CFDP1: variants seen among roughly 807,000 people sequenced by gnomAD.
CFDP1 encodes chromatin remodeling protein CFDP1, also known as heterochromatin-stabilizing protein CFDP1.
Under a neutral mutation model 40.1 loss-of-function variants are expected in CFDP1, and 31 were observed. The observed-to-expected ratio is 0.77, with a 90% CI of 0.58 to 1.04. The LOEUF (loss-of-function observed/expected upper bound fraction) is 1.04, where lower values mean the gene tolerates loss of function less well. CFDP1 is among the 50% of genes least tolerant of loss of function. CFDP1 has a pLI of 0.00. For synonymous variants in CFDP1, 167 were observed against 120.0 expected (o/e 1.39, Z -2.56); for missense variants, 423 against 343.4 (o/e 1.23, Z -1.83).
intron 5 of CFDP1, among the ~76,000 whole-genome samples, chr16:75,322,100 A>G (rs904189593): frequency 2.6e-5 from 4 of 152,256 alleles, no homozygotes; most frequent in African/African-American, 9.6e-5. Context: ...CTGGGGTTAC[A>G]GGCGTGAGCC....
chr16:75,296,188 G>C (rs1309678218), intron 6 of CFDP1, among the ~76,000 whole-genome samples: 1 of 152,232 alleles, frequency 6.6e-6, no homozygotes, highest in African/African-American at 2.4e-5. Context: ...CTGTCTGGGA[G>C]ATCAGGTGGA....
intron 1 of CFDP1, among the ~76,000 whole-genome samples, chr16:75,421,546 C>T (rs1016248067): frequency 6.6e-6 from 1 of 152,116 alleles, no homozygotes; most frequent in East Asian, 1.9e-4. Flanking sequence ...TCAGAGCTTC[C>T]AATAACCTTT....
chr16:75,353,680 T>C (rs3851740), intron 5 of CFDP1, among the ~76,000 whole-genome samples: 72,825 of 141,606 alleles, frequency 0.51, 19,417 homozygotes, highest in Admixed American at 0.66. Flanking sequence ...ACCCGGGAGG[T>C]GGAGCTTGCA....
intron 5 of CFDP1, among the ~76,000 whole-genome samples, chr16:75,333,130 T>A (rs541807579): frequency 6.8e-4 from 98 of 144,206 alleles, no homozygotes; most frequent in Non-Finnish European, 1.2e-3. Flanking sequence ...TTCTTTTTTT[T>A]TTTTTTTTTT....
intron 1 of CFDP1, among the ~76,000 whole-genome samples, chr16:75,418,306 C>CAT (rs371415679): frequency 2.8e-5 from 3 of 107,164 alleles, no homozygotes; most frequent in Non-Finnish European, 5.4e-5. Flanking sequence ...AACTCTAACC[C>CAT]TTTTTTTTTT....
At chr16:75,340,888 T>C (rs1213269010) in intron 5 of CFDP1, among the ~76,000 whole-genome samples, 2 of 152,110 alleles carry the variant, frequency 1.3e-5, no homozygotes, top group African/African-American at 4.8e-5. Context: ...GGCCTCAGGG[T>C]TCATTTATCA....
intron 5 of CFDP1, among the ~76,000 whole-genome samples, chr16:75,330,097 C>T (rs2078434393): frequency 1.3e-5 from 2 of 152,218 alleles, no homozygotes; most frequent in African/African-American, 2.4e-5. Context: ...CCAATATTTG[C>T]ATTTCACTAG....
chr16:75,295,897 C>A (rs1269446326), intron 6 of CFDP1, among the ~76,000 whole-genome samples: 1 of 152,200 alleles, frequency 6.6e-6, no homozygotes, highest in Non-Finnish European at 1.5e-5. Flanking sequence ...CCACCTCCCA[C>A]TAAGAGACCC....
intron 1 of CFDP1, among the ~76,000 whole-genome samples, chr16:75,420,111 C>CAAAAAAA (rs10706144): frequency 4.8e-5 from 3 of 62,624 alleles, no homozygotes; most frequent in African/African-American, 1.9e-4. Context: ...ACCTTCATCT[C>CAAAAAAA]AAAAAAAAAA....
intron 5 of CFDP1, among the ~76,000 whole-genome samples, chr16:75,337,633 G>A (rs1406830717): frequency 3.9e-5 from 6 of 152,168 alleles, no homozygotes; most frequent in East Asian, 1.9e-4. Context: ...CAATCATGGC[G>A]GGAAGGGGAG....
chr16:75,392,746 G>T (rs1197517968), intron 5 of CFDP1, among the ~76,000 whole-genome samples: 1 of 152,178 alleles, frequency 6.6e-6, no homozygotes, highest in African/African-American at 2.4e-5. Context: ...CATGTGATGT[G>T]CTCTGATATT....
intron 5 of CFDP1, among the ~76,000 whole-genome samples, chr16:75,344,613 A>C (rs2078549380): frequency 6.6e-6 from 1 of 152,236 alleles, no homozygotes; most frequent in Non-Finnish European, 1.5e-5. Flanking sequence ...TAACCCTTAC[A>C]AAGAGCCCAG....
At chr16:75,420,111 CAAAAAAA>C (rs10706144) in intron 1 of CFDP1, among the ~76,000 whole-genome samples, 21 of 62,632 alleles carry the variant, frequency 3.4e-4, no homozygotes, top group East Asian at 1.6e-3. Flanking sequence ...ACCTTCATCT[CAAAAAAA>C]AAAAAAAAAA....
chr16:75,309,647 C>T (rs879496633), intron 5 of CFDP1, among the ~76,000 whole-genome samples: 22 of 151,840 alleles, frequency 1.4e-4, no homozygotes, highest in African/African-American at 4.4e-4. Flanking sequence ...GGTGAAACCC[C>T]GTCTCTACTA....
chr16:75,393,594 G>A (rs374412813), intron 5 of CFDP1, among the ~76,000 whole-genome samples: 4 of 151,330 alleles, frequency 2.6e-5, no homozygotes, highest in Non-Finnish European at 4.4e-5. Context: ...AGCCGGGCGC[G>A]GTGGCGGGCG....
At position 75,413,430 on chromosome 16, in the gene CFDP1, G is replaced by T. The variant is rs550371669; in HGVS notation, c.183-676C>A. On this transcript the variant is annotated intron_variant, in intron 2 of 6. Transcript: ENST00000283882. The stretch of plus-strand genomic sequence containing the variant: ...AGAAAATTAGCCGGGCATGTTGGTG[G>T]GTGCCTATAATCCAGCCACTCGGAG... Among the ~76,000 whole-genome samples, 13 of 152,042 alleles carry T rather than the reference G, an allele frequency of 8.6e-5. No individual in the cohort carries two copies. The South Asian group carries it at 2.5e-3, about 29-fold the overall frequency.
At chr16:75,334,621 G>T (rs1405501775) in intron 5 of CFDP1, among the ~76,000 whole-genome samples, 2 of 151,992 alleles carry the variant, frequency 1.3e-5, no homozygotes, top group Non-Finnish European at 2.9e-5. Context: ...TCAAGACAAG[G>T]CTTACGAAGA....
chr16:75,315,245 T>C (rs1316589896), intron 5 of CFDP1, among the ~76,000 whole-genome samples: 3 of 144,544 alleles, frequency 2.1e-5, no homozygotes, highest in Non-Finnish European at 3.0e-5. Flanking sequence ...GGTGGGAGGT[T>C]TGCTTGAGAA....
chr16:75,360,486 C>T (rs899444573), intron 5 of CFDP1, among the ~76,000 whole-genome samples: 4 of 152,160 alleles, frequency 2.6e-5, no homozygotes, highest in Admixed American at 1.3e-4. Context: ...AATTTAGCAC[C>T]AGAGGGTCCA....
Sources: allele counts gnomAD v4.1 joint callset (sites outside exome capture counted in the v4.1 genomes callset), GRCh38; gene constraint gnomAD v4.1.1; transcripts MANE v1.5; gene names NCBI Gene and HGNC (gene_info 2026-07-23, HGNC 2026-07-21).